Variants in TP53BP1 observed in about 807,000 individuals in gnomAD.
TP53BP1 encodes tumor protein p53 binding protein 1.
TP53BP1 carries 61 observed loss-of-function variants against 200.8 expected under a neutral mutation model. The ratio of observed to expected loss-of-function variants is 0.30; its 90% CI spans 0.25 to 0.38. TP53BP1 has a LOEUF of 0.38. TP53BP1 is among the 10% of genes least tolerant of loss of function. The pLI, the probability that TP53BP1 is intolerant of heterozygous loss-of-function variation, is 1.00. For synonymous variants in TP53BP1, 822 were observed against 844.3 expected (o/e 0.97, Z 0.46); for missense variants, 2,144 against 2,371.9 (o/e 0.90, Z 2.00).
Position 43,456,008 on chromosome 15 carries a change from G to A in TP53BP1, c.2600C>T (p.Ser867Leu). 4 of 1,614,122 alleles carry A rather than the reference G, an allele frequency of 2.5e-6. No individual in the cohort carries two copies. The highest frequency in any genetic ancestry group is 3.4e-6 in the Non-Finnish European group (4 of 1,180,036). ...AGCCATTTTTGAGTCTTCTGTTAAT[G>A]AATTACTTGTTTTCTCCTGAGTTTG... ...QPQTQEKTSNSLTEDSKMANA... is the reference protein window; with the variant it reads ...QPQTQEKTSNLLTEDSKMANA... Residue 867 changes from serine (S) to leucine (L), a missense_variant, in exon 12 of 28, where the codon TCA becomes TTA. Physicochemically the swap from Ser to Leu is moderately radical, Grantham distance 145 (BLOSUM62 -2). Transcript: ENST00000382044.
At position 43,422,092 on chromosome 15, in the gene TP53BP1, C is replaced by T. The variant is rs1321299913; in HGVS notation, c.3863G>A (p.Cys1288Tyr). 1 of 1,614,150 alleles carries T rather than the reference C, an allele frequency of 6.2e-7. No individual in the cohort carries two copies. The highest frequency in any genetic ancestry group is 2.2e-5 in the East Asian group (1 of 44,882). ...TEEPIVECQE[C>Y]ETEVSPSQTG... ...CTGTGAAGGGGAAACTTCAGTTTCA[C>T]ACTCCTGACACTCTACAATTGGCTC... The change falls in exon 19 of 28, where the codon TGT (cysteine) becomes TAT (tyrosine). Residue 1288 changes from cysteine to tyrosine, a missense_variant. Physicochemically the swap from Cys to Tyr is radical, Grantham distance 194 (BLOSUM62 -2). Coordinates refer to ENST00000382044, the MANE Select transcript of TP53BP1 (RefSeq NM_001141980.3).
chr15:43,489,919 G>C (rs568374189), intron 4 of TP53BP1, among the ~76,000 whole-genome samples: 73 of 152,022 alleles, frequency 4.8e-4, no homozygotes, highest in African/African-American at 1.7e-3. Flanking sequence ...CTCCAAAAAA[G>C]CTTTTCTTTT....
intron 1 of TP53BP1, among the ~76,000 whole-genome samples, chr15:43,504,509 C>T (rs955852949): frequency 6.6e-6 from 1 of 152,164 alleles, no homozygotes. Context: ...AAAGTCAGTT[C>T]TGCAGAAGTA....
chr15:43,409,588 C>A, intron 25 of TP53BP1, 59 bp downstream of exon 25: 1 of 976,976 alleles, frequency 1.0e-6, no homozygotes, highest in Non-Finnish European at 1.5e-6. Context: ...CTCTTCTCAA[C>A]ACAGCAAGTT....
intron 11 of TP53BP1, among the ~76,000 whole-genome samples, chr15:43,467,509 C>T (rs2046614211): frequency 7.1e-6 from 1 of 141,244 alleles, no homozygotes; most frequent in African/African-American, 3.1e-5. Context: ...ACTCATTTGT[C>T]TCAAATTTTC....
chr15:43,499,614 T>C (rs1259667460), intron 1 of TP53BP1, among the ~76,000 whole-genome samples: 6 of 152,082 alleles, frequency 3.9e-5, no homozygotes, highest in African/African-American at 1.4e-4. Flanking sequence ...AACTAACAAG[T>C]GGCAAGAATA....
chr15:43,463,167 G>C (rs2140069509), intron 11 of TP53BP1, among the ~76,000 whole-genome samples: 1 of 152,250 alleles, frequency 6.6e-6, no homozygotes, highest in Admixed American at 6.5e-5. Context: ...TGTCTAATTT[G>C]TCCTCACCAA....
chr15:43,479,160 G>A (rs554090299), intron 7 of TP53BP1, among the ~76,000 whole-genome samples: 3 of 152,232 alleles, frequency 2.0e-5, no homozygotes, highest in South Asian at 4.1e-4. Flanking sequence ...AGAATCACAT[G>A]AGCCCAGGGC....
chr15:43,460,334 C>T (rs991138995), intron 11 of TP53BP1, among the ~76,000 whole-genome samples: 1 of 152,134 alleles, frequency 6.6e-6, no homozygotes, highest in Admixed American at 6.5e-5. Context: ...AATCACGGCT[C>T]ATTGCAGCCT....
At chr15:43,462,357 G>A (rs1439908627) in intron 11 of TP53BP1, among the ~76,000 whole-genome samples, 1 of 151,444 alleles carries the variant, frequency 6.6e-6, no homozygotes, top group African/African-American at 2.4e-5. Flanking sequence ...CCAGAGGGCA[G>A]TGGCACAATC....
intron 13 of TP53BP1, 46 bp downstream of exon 13, chr15:43,447,320 A>G (rs1178311728): frequency 1.9e-6 from 3 of 1,571,938 alleles, no homozygotes; most frequent in Non-Finnish European, 2.6e-6. Flanking sequence ...AGAGAATGAT[A>G]TCTCAGAAAT....
chr15:43,480,680 A>C (rs950749966), intron 5 of TP53BP1, among the ~76,000 whole-genome samples: 1 of 152,208 alleles, frequency 6.6e-6, no homozygotes, highest in African/African-American at 2.4e-5. Flanking sequence ...AGAGGAAGAA[A>C]ACTCAATATG....
At chr15:43,499,994 TA>T (rs1298953080) in intron 1 of TP53BP1, among the ~76,000 whole-genome samples, 1 of 152,232 alleles carries the variant, frequency 6.6e-6, no homozygotes, top group Non-Finnish European at 1.5e-5. Flanking sequence ...GAGCACTTAC[TA>T]TGTTCTAAGT....
chr15:43,403,114 A>T lies in TP53BP1; in HGVS notation c.*4269T>A, dbSNP rs2044723934. 1 of 152,236 alleles carries T rather than the reference A, an allele frequency of 6.6e-6. No homozygotes were observed. The highest frequency in any genetic ancestry group is 2.4e-5 in the African/African-American group (1 of 41,448). The allele number at this position is 152,236 out of a possible 1,614,324, so 9.4% of individuals were successfully genotyped here. On this transcript the variant is annotated 3_prime_UTR_variant, in exon 28 of 28. Coordinates refer to ENST00000382044, the MANE Select transcript of TP53BP1 (RefSeq NM_001141980.3). ...TTACTGTATGCAAGGCACTGGGGAT[A>T]CAAAGAGGTATAATTCATGGCTCTG...
chr15:43,493,047 G>T lies in TP53BP1; in HGVS notation c.-4C>A. The T allele has an allele frequency of 1.2e-6, 2 of 1,613,070 alleles. No homozygotes were observed. Among genetic ancestry groups the T allele is most frequent in the South Asian group, 1.1e-5 (1 of 90,992 alleles). On this transcript the variant is annotated 5_prime_UTR_variant, in exon 1 of 28. Coordinates refer to ENST00000382044, the MANE Select transcript of TP53BP1 (RefSeq NM_001141980.3). The stretch of plus-strand genomic sequence containing the variant: ...CTCTCCAAACAGTACCAGGCATCCC[G>T]GCGGGAGGTCCCTCGCGCTCGAGCT...
At chr15:43,486,948 T>G (rs2079055375) in intron 4 of TP53BP1, among the ~76,000 whole-genome samples, 1 of 152,124 alleles carries the variant, frequency 6.6e-6, no homozygotes, top group African/African-American at 2.4e-5. Context: ...TTAAAGTAAA[T>G]GACTTATATT....
intron 24 of TP53BP1, chr15:43,412,704 T>C (rs774896156): frequency 6.6e-5 from 31 of 471,630 alleles, no homozygotes; most frequent in East Asian, 1.4e-4. Flanking sequence ...CAGATGCCCA[T>C]AGAACGCAAA....
upstream of TP53BP1, among the ~76,000 whole-genome samples, chr15:43,496,205 A>C (rs1367399109): frequency 1.3e-5 from 2 of 152,186 alleles, no homozygotes; most frequent in Admixed American, 6.5e-5. Flanking sequence ...CATTGTCAGA[A>C]ATTTTTCTTC....
rs2045592256 is a variant in TP53BP1 at position 43,428,122 on chromosome 15, A to G, written c.3722T>C (p.Leu1241Ser). The change falls in exon 18 of 28, where the codon TTA (leucine) becomes TCA (serine). Residue 1241 changes from leucine (L) to serine (S), a missense_variant. Physicochemically the swap from Leu to Ser is moderately radical, Grantham distance 145. Transcript: ENST00000382044. ...DMPQPPHGHVLHRHMRTIREV... is the reference protein window; with the variant it reads ...DMPQPPHGHVSHRHMRTIREV... Reference sequence around the variant, plus strand: ...CCGGATTGTTCTCATGTGACGATGTAAGACATGGCCATGTGGAGGCTGAGG... The same window carrying G: ...CCGGATTGTTCTCATGTGACGATGTGAGACATGGCCATGTGGAGGCTGAGG... 1.2e-6 allele frequency: 2 copies of G among 1,613,878 alleles called. No individual in the cohort carries two copies. Among genetic ancestry groups the G allele is most frequent in the Non-Finnish European group, 1.7e-6 (2 of 1,179,752 alleles).
Sources: gnomAD v4.1 joint callset for allele counts (sites outside exome capture counted in the v4.1 genomes callset) on GRCh38, gnomAD v4.1.1 for gene constraint, MANE v1.5 for transcripts, NCBI Gene and HGNC (gene_info 2026-07-23, HGNC 2026-07-21) for gene names.